Variants in PLXDC2 observed in about 807,000 individuals in gnomAD.
PLXDC2 encodes the protein plexin domain containing 2.
A neutral mutation model predicts 68.9 loss-of-function variants in PLXDC2; 40 were observed. The ratio of observed to expected loss-of-function variants is 0.58; its 90% CI spans 0.45 to 0.76. The LOEUF is 0.76. Among genes scored for constraint, PLXDC2 ranks in the 30% least tolerant of loss-of-function variants. The pLI is 0.00. For synonymous variants in PLXDC2, 243 were observed against 234.2 expected (o/e 1.04, Z -0.34); for missense variants, 644 against 661.9 (o/e 0.97, Z 0.30).
intron 1 of PLXDC2, among the ~76,000 whole-genome samples, chr10:19,915,988 G>C (rs370664027): frequency 2.6e-5 from 4 of 152,028 alleles, no homozygotes; most frequent in African/African-American, 9.7e-5. Flanking sequence ...TAACAGCCAG[G>C]TGGTGCTTTC....
chr10:19,880,422 CTAA>C (rs1342701153), intron 1 of PLXDC2, among the ~76,000 whole-genome samples: 1 of 152,096 alleles, frequency 6.6e-6, no homozygotes, highest in Non-Finnish European at 1.5e-5. Context: ...ACAACAATAA[CTAA>C]TAATAAAATA....
chr10:20,108,611 C>T (rs1833520598), intron 4 of PLXDC2, among the ~76,000 whole-genome samples: 1 of 152,110 alleles, frequency 6.6e-6, no homozygotes, highest in Non-Finnish European at 1.5e-5. Context: ...GGACTCATAA[C>T]ACTTCGCCAG....
rs527967777 is a variant in PLXDC2, at chr10:19,869,742, A to G, written c.112+52551A>G. Reference sequence around the variant, plus strand: ...TTTTATCTTATTTAACGTAATAACAATGCTAGAACCATAGCTATAGCTTTG... The same window carrying G: ...TTTTATCTTATTTAACGTAATAACAGTGCTAGAACCATAGCTATAGCTTTG... On this transcript the variant is annotated intron_variant, in intron 1 of 13. Coordinates refer to ENST00000377252, the MANE Select transcript of PLXDC2 (RefSeq NM_032812.9). Among the ~76,000 whole-genome samples, 77 of 152,220 alleles carry G rather than the reference A, an allele frequency of 5.1e-4. 1 individual carries two copies. In the South Asian group the frequency reaches 0.01, roughly 21 times the overall value.
At chr10:20,201,816 A>G (rs1163462314) in intron 9 of PLXDC2, among the ~76,000 whole-genome samples, 3 of 152,106 alleles carry the variant, frequency 2.0e-5, no homozygotes, top group Admixed American at 1.3e-4. Flanking sequence ...TGCCTAGACT[A>G]TCAACTTGGA....
intron 1 of PLXDC2, among the ~76,000 whole-genome samples, chr10:19,919,982 AC>A (rs1190032660): frequency 6.6e-6 from 1 of 152,210 alleles, no homozygotes; most frequent in Non-Finnish European, 1.5e-5. Context: ...TGACAACTTT[AC>A]CCACCCCCAA....
chr10:19,981,914 G>A (rs1834557666), intron 1 of PLXDC2, among the ~76,000 whole-genome samples: 1 of 152,198 alleles, frequency 6.6e-6, no homozygotes, highest in African/African-American at 2.4e-5. Context: ...AAGCTTTCTT[G>A]TGAACCCTAA....
At chr10:20,114,108 A>C (rs965087211) in intron 4 of PLXDC2, among the ~76,000 whole-genome samples, 2 of 152,238 alleles carry the variant, frequency 1.3e-5, no homozygotes, top group African/African-American at 2.4e-5. Flanking sequence ...TGAGTGACAG[A>C]GTGAGACCCC....
At chr10:19,834,763 G>T (rs1054609994) in intron 1 of PLXDC2, among the ~76,000 whole-genome samples, 4 of 152,202 alleles carry the variant, frequency 2.6e-5, no homozygotes, top group African/African-American at 9.6e-5. Context: ...ACAAACATTT[G>T]CTAGATGTAT....
chr10:19,851,193 C>G, intron 1 of PLXDC2, among the ~76,000 whole-genome samples: 1 of 152,086 alleles, frequency 6.6e-6, no homozygotes, highest in African/African-American at 2.4e-5. Flanking sequence ...AGGAAGATTG[C>G]TTTTCTCTTG....
chr10:20,081,308 A>G (rs1488668826), intron 4 of PLXDC2, among the ~76,000 whole-genome samples: 2 of 152,190 alleles, frequency 1.3e-5, no homozygotes, highest in East Asian at 3.8e-4. Flanking sequence ...GGGAGGGGGA[A>G]AAACTATTCC....
chr10:20,221,897 A>G (rs1019522439), intron 12 of PLXDC2, among the ~76,000 whole-genome samples: 2 of 152,090 alleles, frequency 1.3e-5, no homozygotes, highest in African/African-American at 4.8e-5. Flanking sequence ...AGCACATTTG[A>G]TTTCTTGATT....
At chr10:20,176,841 A>G (rs1001832872) in intron 7 of PLXDC2, among the ~76,000 whole-genome samples, 158 bp from the exon 8 acceptor site, 2 of 152,106 alleles carry the variant, frequency 1.3e-5, no homozygotes, top group Non-Finnish European at 2.9e-5. Flanking sequence ...TTGACATGTG[A>G]TTTTTACATA....
At chr10:20,064,571 A>G (rs1589611754) in intron 3 of PLXDC2, among the ~76,000 whole-genome samples, 1 of 152,056 alleles carries the variant, frequency 6.6e-6, no homozygotes, top group South Asian at 2.1e-4. Flanking sequence ...CCTTTGTTTT[A>G]TATACTATTT....
Position 19,882,133 on chromosome 10 carries a change from T to C in PLXDC2, c.112+64942T>C, listed in dbSNP as rs545813415. On this transcript the variant is annotated intron_variant, in intron 1 of 13. Coordinates refer to ENST00000377252, the MANE Select transcript of PLXDC2 (RefSeq NM_032812.9). ...TTTCTCATGATGGATTCCTAAATGA[T>C]GGAACTCCAGCTGATACTGAAATAA... 3.9e-5 allele frequency among the ~76,000 whole-genome samples: 6 copies of C among 152,342 alleles called. No homozygotes were observed. In the South Asian group the frequency reaches 1.2e-3, roughly 32 times the overall value.
At chr10:20,052,618 G>A (rs1490672945) in intron 3 of PLXDC2, among the ~76,000 whole-genome samples, 1 of 147,114 alleles carries the variant, frequency 6.8e-6, no homozygotes, top group Non-Finnish European at 1.5e-5. Flanking sequence ...CTGGAAACAG[G>A]ATTTAAATTT....
intron 1 of PLXDC2, among the ~76,000 whole-genome samples, chr10:19,916,179 A>G: frequency 7.0e-6 from 1 of 143,728 alleles, no homozygotes; most frequent in Non-Finnish European, 1.5e-5. Flanking sequence ...CCTAGGCTGG[A>G]GTACAGTGAC....
intron 6 of PLXDC2, among the ~76,000 whole-genome samples, chr10:20,160,185 G>A (rs1834272341): frequency 6.6e-6 from 1 of 151,906 alleles, no homozygotes; most frequent in East Asian, 1.9e-4. Context: ...TGCCTTTTGG[G>A]GAAAATAATT....
chr10:19,860,573 C>T (rs1837300376), intron 1 of PLXDC2, among the ~76,000 whole-genome samples: 1 of 152,192 alleles, frequency 6.6e-6, no homozygotes, highest in South Asian at 2.1e-4. Flanking sequence ...CTTTTCTCTA[C>T]TCGAGATCTG....
intron 1 of PLXDC2, among the ~76,000 whole-genome samples, chr10:19,837,082 A>T (rs901142263): frequency 2.0e-5 from 3 of 151,756 alleles, no homozygotes; most frequent in Non-Finnish European, 4.4e-5. Context: ...TTCTCCAAGT[A>T]TTGCTTGCGA....
Sources: allele counts gnomAD v4.1 joint callset (sites outside exome capture counted in the v4.1 genomes callset), GRCh38; gene constraint gnomAD v4.1.1; transcripts MANE v1.5; gene names NCBI Gene and HGNC (gene_info 2026-07-23, HGNC 2026-07-21).